The following BCHE variants were observed in gnomAD, a reference collection of about 807,000 sequenced individuals.
BCHE encodes butyrylcholinesterase, also known as cholinesterase.
Under a neutral mutation model 51.3 loss-of-function variants are expected in BCHE, and 48 were observed. The ratio of observed to expected loss-of-function variants is 0.94; its 90% CI spans 0.74 to 1.19. BCHE has a LOEUF of 1.19. Ranked by LOEUF, BCHE falls within the 50% of genes most tolerant of loss-of-function variation. The pLI is 0.00. For missense variants in BCHE, 847 were observed against 708.2 expected (o/e 1.20, Z -2.23); for synonymous variants, 251 against 238.0 (o/e 1.05, Z -0.50).
intron 1 of BCHE, among the ~76,000 whole-genome samples, chr3:165,831,252 T>TA (rs1374066955): frequency 2.0e-5 from 3 of 152,154 alleles, no homozygotes; most frequent in African/African-American, 4.8e-5. Context: ...GAATGGAAAA[T>TA]AAAAAATATT....
Position 165,829,760 on chromosome 3 carries a change from T to C in BCHE, c.1274A>G (p.Asn425Ser). The change falls in exon 2 of 4, where the codon AAT becomes AGT. Residue 425 changes from asparagine to serine, a missense_variant. Transcript: ENST00000264381. Reference protein sequence around the residue: ...EALGDVVGDYNFICPALEFTK... With the variant: ...EALGDVVGDYSFICPALEFTK... ...GAACTCCAAGGCAGGGCATATGAAA[T>C]TATAATCCCCAACAACATCACCCAA... 6.2e-7 allele frequency: 1 copy of C among 1,613,924 alleles called. No homozygotes were observed. The highest frequency in any genetic ancestry group is 8.5e-7 in the Non-Finnish European group (1 of 1,179,924).
In BCHE at chr3:165,790,515, C is replaced by T. The variant is rs1029526494; in HGVS notation, c.1518-4204G>A. On this transcript the variant is annotated intron_variant, in intron 2 of 3. Coordinates refer to ENST00000264381, the MANE Select transcript of BCHE (RefSeq NM_000055.4). ...GGGCTTTTCTGAGTTCTATGAATAG[C>T]TCTTCTGAGTTATAAAATCTGACAG... is the stretch of plus-strand genomic sequence containing the variant. Among the ~76,000 whole-genome samples, 6 of 152,128 alleles carry T rather than the reference C, an allele frequency of 3.9e-5. No homozygotes were observed. The South Asian group carries it at 1.2e-3, about 31-fold the overall frequency.
At chr3:165,813,410 T>C (rs1454000150) in intron 2 of BCHE, among the ~76,000 whole-genome samples, 1 of 151,712 alleles carries the variant, frequency 6.6e-6, no homozygotes, top group Admixed American at 6.6e-5. Context: ...TCTTATTCTT[T>C]TCCATTTGTA....
intron 2 of BCHE, among the ~76,000 whole-genome samples, chr3:165,822,993 A>G (rs1714585470): frequency 6.6e-6 from 1 of 152,110 alleles, no homozygotes; most frequent in African/African-American, 2.4e-5. Flanking sequence ...ATTATAATAT[A>G]AAAGACATAA....
At chr3:165,780,925 G>T (rs1050056125) in intron 3 of BCHE, among the ~76,000 whole-genome samples, 2 of 152,066 alleles carry the variant, frequency 1.3e-5, no homozygotes, top group African/African-American at 4.8e-5. Flanking sequence ...ATACCCAAAG[G>T]AATATAAATT....
intron 2 of BCHE, among the ~76,000 whole-genome samples, chr3:165,806,201 T>A (rs984265332): frequency 6.6e-6 from 1 of 152,196 alleles, no homozygotes; most frequent in South Asian, 2.1e-4. Flanking sequence ...GGTTTACAAA[T>A]GTACAGTCTG....
At chr3:165,801,148 T>G (rs1278173710) in intron 2 of BCHE, among the ~76,000 whole-genome samples, 1 of 152,170 alleles carries the variant, frequency 6.6e-6, no homozygotes, top group Non-Finnish European at 1.5e-5. Context: ...TCATGCATGC[T>G]AAATATAGCA....
chr3:165,809,703 A>G (rs1437523843), intron 2 of BCHE, among the ~76,000 whole-genome samples: 3 of 152,128 alleles, frequency 2.0e-5, no homozygotes, highest in Non-Finnish European at 2.9e-5. Flanking sequence ...ATGCATTTTC[A>G]TAACACAAGG....
At chr3:165,813,838 A>G (rs148405042) in intron 2 of BCHE, among the ~76,000 whole-genome samples, 2,606 of 152,068 alleles carry the variant, frequency 0.017, 28 homozygotes, top group Non-Finnish European at 0.026. Flanking sequence ...ATTAAGAAAG[A>G]TAAAAAACAA....
At chr3:165,804,577 G>T (rs1713801286) in intron 2 of BCHE, among the ~76,000 whole-genome samples, 2 of 152,124 alleles carry the variant, frequency 1.3e-5, no homozygotes, top group Admixed American at 1.3e-4. Flanking sequence ...GACTTGGCCA[G>T]GGTTTTTGAT....
chr3:165,779,778 G>GA (rs1285211322), intron 3 of BCHE, among the ~76,000 whole-genome samples: 1 of 152,056 alleles, frequency 6.6e-6, no homozygotes, highest in Non-Finnish European at 1.5e-5. Context: ...TAAACAAATG[G>GA]AAAAACATTT....
At chr3:165,792,922 C>T (rs540900861) in intron 2 of BCHE, among the ~76,000 whole-genome samples, 1 of 152,248 alleles carries the variant, frequency 6.6e-6, no homozygotes, top group South Asian at 2.1e-4. Context: ...CTTACTTTTC[C>T]TATAAACAAT....
chr3:165,783,286 A>C (rs1046079029), intron 3 of BCHE, among the ~76,000 whole-genome samples: 1 of 151,974 alleles, frequency 6.6e-6, no homozygotes, highest in East Asian at 1.9e-4. Flanking sequence ...GTAAGAACAT[A>C]GAGTGAACTA....
At chr3:165,827,705 G>T (rs1047475063) in intron 2 of BCHE, among the ~76,000 whole-genome samples, 2 of 151,926 alleles carry the variant, frequency 1.3e-5, no homozygotes, top group Non-Finnish European at 2.9e-5. Context: ...TTTAAAGAAA[G>T]AATTAAAAAC....
At position 165,794,982 on chromosome 3, in the gene BCHE, A is replaced by G. The variant is rs184261967; in HGVS notation, c.1518-8671T>C. Among the ~76,000 whole-genome samples the G allele has an allele frequency of 4.7e-3, 723 of 152,294 alleles. 4 individuals are homozygous for G. Among genetic ancestry groups the G allele is most frequent in the African/African-American group, 0.017 (694 of 41,572 alleles). On this transcript the variant is annotated intron_variant, in intron 2 of 3. Coordinates refer to ENST00000264381, the MANE Select transcript of BCHE (RefSeq NM_000055.4). The stretch of plus-strand genomic sequence containing the variant: ...TATTTTTTCATGTCCAGTGCCTATC[A>G]TAAACCTAGGAAAATATACACTGAA...
Position 165,829,768 on chromosome 3 carries a change from C to T in BCHE, c.1266G>A (p.Gly422=). 1.2e-6 allele frequency: 2 copies of T among 1,613,764 alleles called. No individual in the cohort carries two copies. The highest frequency in any genetic ancestry group is 1.7e-6 in the Non-Finnish European group (2 of 1,179,870). ...NYREALGDVV[G]DYNFICPALE... ...AGGCAGGGCATATGAAATTATAATC[C>T]CCAACAACATCACCCAAGGCCTCAC... Residue 422 remains glycine (G), a synonymous_variant, in exon 2 of 4, where the codon GGG becomes GGA. Transcript: ENST00000264381.
At chr3:165,777,368 A>G (rs1237160664) in intron 3 of BCHE, among the ~76,000 whole-genome samples, 1 of 151,838 alleles carries the variant, frequency 6.6e-6, no homozygotes, top group Non-Finnish European at 1.5e-5. Flanking sequence ...AATGTGTTAC[A>G]TTAGTTATCA....
chr3:165,828,473 A>C (rs1255469673), intron 2 of BCHE, among the ~76,000 whole-genome samples: 1 of 152,188 alleles, frequency 6.6e-6, no homozygotes, highest in Non-Finnish European at 1.5e-5. Context: ...AGAAACATAC[A>C]TACAGTAACA....
At chr3:165,780,023 T>TTC (rs1457518352) in intron 3 of BCHE, among the ~76,000 whole-genome samples, 7 of 152,176 alleles carry the variant, frequency 4.6e-5, no homozygotes, top group Admixed American at 3.9e-4. Flanking sequence ...ACTACAAGGC[T>TTC]ATAGTAACCA....
Sources: allele counts gnomAD v4.1 joint callset (sites outside exome capture counted in the v4.1 genomes callset), GRCh38; gene constraint gnomAD v4.1.1; transcripts MANE v1.5; gene names NCBI Gene and HGNC (gene_info 2026-07-23, HGNC 2026-07-21).